KIF14: variants seen among roughly 807,000 people sequenced by gnomAD.
KIF14 encodes kinesin-like protein KIF14.
Under a neutral mutation model 176.2 loss-of-function variants are expected in KIF14, and 98 were observed. The observed-to-expected ratio is 0.56, with a 90% confidence interval of 0.47 to 0.66. The LOEUF (loss-of-function observed/expected upper bound fraction) is 0.66. Ranked by LOEUF, KIF14 falls within the 30% of genes least tolerant of loss-of-function variation. The pLI, the probability that KIF14 is intolerant of heterozygous loss-of-function variation, is 0.00. For missense variants in KIF14, 1,751 were observed against 1,920.4 expected, an observed-to-expected ratio of 0.91 and a Z score of 1.65; for synonymous variants, 566 against 632.2, an observed-to-expected ratio of 0.90 and a Z score of 1.57.
chr1:200,554,402 G>T, intron 29 of KIF14, 66 bp downstream of exon 29: 3 of 1,079,254 alleles, frequency 2.8e-6, no homozygotes, highest in Non-Finnish European at 4.0e-6. Context: ...AAAAAAAAAA[G>T]GAAAGATGTC....
At chr1:200,590,364 A>T in intron 16 of KIF14, 92 bp from the exon 17 acceptor site, 1 of 1,127,240 alleles carries the variant, frequency 8.9e-7, no homozygotes, top group Non-Finnish European at 1.2e-6. Context: ...TTTCCATTGA[A>T]TGAAAGTTTC....
chr1:200,592,190 T>C lies in KIF14; in HGVS notation c.2703A>G (p.Pro901=). Residue 901 remains proline, a synonymous_variant, in exon 16 of 30, where the codon CCA becomes CCG. Transcript: ENST00000367350. The part of the protein sequence containing the change: ...GGDHYFRFNH[P]VEVQKGKRPS... ...GCCTTTTTCCTTTCTGGACTTCTAC[T>C]GGATGATTAAATCTAAAATAATGAT... is the stretch of plus-strand genomic sequence containing the variant. The C allele has an allele frequency of 1.9e-6, 3 of 1,613,852 alleles. No individual in the cohort carries two copies. Among genetic ancestry groups the C allele is most frequent in the Non-Finnish European group, 2.5e-6 (3 of 1,179,846 alleles).
chr1:200,570,053 T>A, intron 22 of KIF14, 48 bp from the exon 23 acceptor site: 1 of 827,898 alleles, frequency 1.2e-6, no homozygotes, highest in South Asian at 2.0e-5. Context: ...CCACATGGAA[T>A]AATATTATTA....
chr1:200,555,654 G>C (rs771279699), intron 27 of KIF14, among the ~76,000 whole-genome samples, 200 bp from the exon 28 acceptor site: 1 of 152,082 alleles, frequency 6.6e-6, no homozygotes, highest in Non-Finnish European at 1.5e-5. Flanking sequence ...ATTGCACATT[G>C]ACTTCTTTCC....
intron 22 of KIF14, 62 bp downstream of exon 22, chr1:200,575,526 CACA>C (rs1658048465): frequency 2.3e-6 from 1 of 426,902 alleles, no homozygotes; most frequent in African/African-American, 4.1e-5. Context: ...ACAATTTACA[CACA>C]CACACACACA....
In KIF14 at chr1:200,565,120, C is replaced by T. The variant is rs7543730; in HGVS notation, c.4020G>A (p.Glu1340=). The part of the protein sequence containing the change: ...PCTNIARLED[E]LRQEVKKLGG... ...CCAGTTTTTTAACTTCTTGTCTCAA[C>T]TCATCCTCAAGTCTTGCTATGTTGG... Residue 1340 remains glutamate, a synonymous_variant, in exon 25 of 30, where the codon GAG becomes GAA. Coordinates refer to ENST00000367350, the MANE Select transcript of KIF14 (RefSeq NM_014875.3). 929,962 of 1,611,748 alleles carry T rather than the reference C, an allele frequency of 0.58. 270,950 individuals are homozygous for T. The highest frequency in any genetic ancestry group is 0.69 in the East Asian group (30,876 of 44,830).
chr1:200,564,338 T>A (rs1423675133), intron 25 of KIF14, among the ~76,000 whole-genome samples: 1 of 151,146 alleles, frequency 6.6e-6, no homozygotes, highest in Non-Finnish European at 1.5e-5. Context: ...TGAGCTCAGA[T>A]GGGGCTCCTC....
rs1659903134 is a variant in KIF14 at position 200,606,772 on chromosome 1, A to G, written c.1581T>C (p.Tyr527=). 6.2e-7 allele frequency: 1 copy of G among 1,613,690 alleles called. No individual in the cohort carries two copies. The highest frequency in any genetic ancestry group is 1.7e-4 in the Middle Eastern group (1 of 6,056). ...TTGACAGTGCTTCAACATATGGTCC[A>G]TAAACAGGATGTTCCCTCACTCTCA... ...QPLRVREHPV[Y]GPYVEALSMN... is the part of the protein sequence containing the mutation. Residue 527 remains tyrosine, a synonymous_variant, in exon 6 of 30, where the codon TAT becomes TAC. Transcript: ENST00000367350.
At chr1:200,554,382 C>G in intron 29 of KIF14, 86 bp downstream of exon 29, 1 of 906,402 alleles carries the variant, frequency 1.1e-6, no homozygotes, top group South Asian at 1.6e-5. Flanking sequence ...CAGAGCGAGA[C>G]TCCATCTCAA....
intron 14 of KIF14, among the ~76,000 whole-genome samples, chr1:200,594,220 C>A (rs1394186551): frequency 6.6e-6 from 1 of 152,020 alleles, no homozygotes; most frequent in Non-Finnish European, 1.5e-5. Context: ...CAGGCATGAG[C>A]CACTGCATCG....
chr1:200,611,870 T>C (rs1186267786), intron 4 of KIF14, among the ~76,000 whole-genome samples: 1 of 152,214 alleles, frequency 6.6e-6, no homozygotes, highest in East Asian at 1.9e-4. Flanking sequence ...AGAAAGACAT[T>C]GTCAATATAA....
At chr1:200,608,706 C>T (rs371134449) in intron 5 of KIF14, 124 bp downstream of exon 5, 1 of 629,798 alleles carries the variant, frequency 1.6e-6, no homozygotes, top group Non-Finnish European at 2.8e-6. Context: ...GACTGTAGAT[C>T]CAAGCATTTG....
chr1:200,571,498 C>G (rs1185715099), intron 22 of KIF14, among the ~76,000 whole-genome samples: 10 of 152,122 alleles, frequency 6.6e-5, no homozygotes, highest in Admixed American at 5.2e-4. Flanking sequence ...AACTCCAATT[C>G]CTATGTCAAT....
chr1:200,580,385 T>G lies in KIF14; in HGVS notation c.3336-2A>C. On this transcript the variant is annotated splice_acceptor_variant, in intron 20 of 29. Transcript: ENST00000367350. LOFTEE classifies it high-confidence loss of function. ...CTACTTTTATCTGATATATCATGTC[T>G]GAAAGAAAAATAAACAAAAAAAAGC... 6.8e-7 allele frequency: 1 copy of G among 1,460,682 alleles called. No individual in the cohort carries two copies. The highest frequency in any genetic ancestry group is 9.1e-7 in the Non-Finnish European group (1 of 1,102,094). 90.5% of individuals were successfully genotyped at this position (1,460,682 alleles called of 1,614,324 possible). A position where few individuals can be genotyped will look rare whatever the true frequency, so the allele number is the denominator to read the frequency against.
Position 200,600,342 on chromosome 1 carries a change from T to A in KIF14, c.2300+14A>T. 1 of 1,604,654 alleles carries A rather than the reference T, an allele frequency of 6.2e-7. No homozygotes were observed. Among genetic ancestry groups the A allele is most frequent in the Non-Finnish European group, 8.5e-7 (1 of 1,171,398 alleles). On this transcript the variant is annotated intron_variant, in intron 12 of 29. Transcript: ENST00000367350. Reference sequence around the variant, plus strand: ...GCAACACACTTAACATTTAGAGTACTGACTGTACTCTACCTTTGCATTTCT... The same window carrying A: ...GCAACACACTTAACATTTAGAGTACAGACTGTACTCTACCTTTGCATTTCT...
rs147464550 is a variant in KIF14, at chr1:200,583,188, A to G, written c.3242-1894T>C. Among the ~76,000 whole-genome samples the G allele has an allele frequency of 5.0e-3, 766 of 152,330 alleles. 11 individuals are homozygous for G. The highest frequency in any genetic ancestry group is 0.018 in the African/African-American group (745 of 41,560). On this transcript the variant is annotated intron_variant, in intron 19 of 29. Transcript: ENST00000367350. Reference sequence around the variant, plus strand: ...CACATCTACCAAACGCAATGTGTAGATGATGTTGGTATCCTGATTCAAACA... The same window carrying G: ...CACATCTACCAAACGCAATGTGTAGGTGATGTTGGTATCCTGATTCAAACA...
In KIF14 at chr1:200,572,334, T is replaced by A. The variant is rs149174516; in HGVS notation, c.3567-2329A>T. 1.1e-4 allele frequency among the ~76,000 whole-genome samples: 16 copies of A among 152,304 alleles called. No individual in the cohort carries two copies. In the East Asian group the frequency reaches 3.1e-3, roughly 29 times the overall value. ...GAAAATAAGATGTAAATTACCAACA[T>A]CTAGGAGGCTAAAAGTCTTTTTTTT... On this transcript the variant is annotated intron_variant, in intron 22 of 29. Coordinates refer to ENST00000367350, the MANE Select transcript of KIF14 (RefSeq NM_014875.3).
At chr1:200,593,420 A>G (rs1370845805) in intron 15 of KIF14, among the ~76,000 whole-genome samples, 1 of 152,240 alleles carries the variant, frequency 6.6e-6, no homozygotes, top group African/African-American at 2.4e-5. Flanking sequence ...GTCTGATTCT[A>G]AAGCCTAGCT....
chr1:200,583,915 C>T (rs962795906), intron 19 of KIF14, among the ~76,000 whole-genome samples: 2 of 151,196 alleles, frequency 1.3e-5, no homozygotes, highest in African/African-American at 4.9e-5. Context: ...GCATTCCAGC[C>T]TGGGCAACAA....
Sources: gnomAD v4.1 joint callset for allele counts (sites outside exome capture counted in the v4.1 genomes callset) on GRCh38, gnomAD v4.1.1 for gene constraint, MANE v1.5 for transcripts, NCBI Gene and HGNC (gene_info 2026-07-23, HGNC 2026-07-21) for gene names.